Variants in ESRRB observed in about 807,000 individuals in gnomAD.
ESRRB encodes the protein steroid hormone receptor ERR2.
ESRRB carries 16 observed loss-of-function variants against 46.0 expected under a neutral mutation model. The observed-to-expected ratio is 0.35, with a 90% CI of 0.24 to 0.53. The LOEUF is 0.53. Among genes scored for constraint, ESRRB ranks in the 20% least tolerant of loss-of-function variants. The probability of loss-of-function intolerance (pLI) is 0.93; values close to 1 mark genes in which losing one functional copy is unlikely to be tolerated. For missense variants in ESRRB, 488 were observed against 607.4 expected (o/e 0.80, Z 2.07); for synonymous variants, 246 against 259.6 (o/e 0.95, Z 0.50).
intron 5 of ESRRB, among the ~76,000 whole-genome samples, chr14:76,491,206 A>G (rs1808860551): frequency 1.3e-5 from 2 of 152,238 alleles, no homozygotes; most frequent in South Asian, 4.1e-4. Context: ...AACAACTGTC[A>G]ACATTGACTG....
At chr14:76,420,239 C>T (rs1228792755) in intron 1 of ESRRB, among the ~76,000 whole-genome samples, 2 of 152,134 alleles carry the variant, frequency 1.3e-5, no homozygotes. Context: ...ACTGTCTTAC[C>T]TCCTGTTTCA....
intron 1 of ESRRB, among the ~76,000 whole-genome samples, chr14:76,409,072 C>T (rs1323101686): frequency 6.6e-6 from 1 of 152,170 alleles, no homozygotes; most frequent in Non-Finnish European, 1.5e-5. Context: ...ACCTGAGCCT[C>T]CACTTCTCCA....
chr14:76,387,874 A>G (rs569284101), intron 1 of ESRRB, among the ~76,000 whole-genome samples: 1 of 152,360 alleles, frequency 6.6e-6, no homozygotes, highest in South Asian at 2.1e-4. Flanking sequence ...GGCGATTGTA[A>G]TAGTAATAGT....
chr14:76,486,892 A>C (rs571214578), intron 5 of ESRRB, among the ~76,000 whole-genome samples: 2 of 152,356 alleles, frequency 1.3e-5, no homozygotes, highest in South Asian at 4.1e-4. Context: ...GACCCAGCCC[A>C]GCTGAGAGAG....
At chr14:76,428,407 GAA>G (rs1478745296) in intron 1 of ESRRB, among the ~76,000 whole-genome samples, 1 of 152,120 alleles carries the variant, frequency 6.6e-6, no homozygotes, top group East Asian at 1.9e-4. Context: ...AATAGCTACT[GAA>G]AAGAAGGATA....
intron 1 of ESRRB, among the ~76,000 whole-genome samples, chr14:76,328,039 G>A (rs772976051): frequency 1.1e-4 from 17 of 152,086 alleles, no homozygotes; most frequent in Non-Finnish European, 2.5e-4. Flanking sequence ...ACCTTGTACT[G>A]CACTTCAGCC....
intron 1 of ESRRB, among the ~76,000 whole-genome samples, chr14:76,415,746 G>A (rs922823506): frequency 4.6e-5 from 7 of 152,152 alleles, no homozygotes; most frequent in Non-Finnish European, 1.0e-4. Context: ...GGCTCAAATG[G>A]TGCTCCTGTT....
chr14:76,406,806 C>T (rs1218798088), intron 1 of ESRRB, among the ~76,000 whole-genome samples: 1 of 152,182 alleles, frequency 6.6e-6, no homozygotes, highest in Non-Finnish European at 1.5e-5. Flanking sequence ...TTGTCTAACA[C>T]AAGATGTAGT....
intron 1 of ESRRB, among the ~76,000 whole-genome samples, chr14:76,312,546 A>AG: frequency 6.6e-6 from 1 of 151,548 alleles, no homozygotes; most frequent in Admixed American, 6.6e-5. Flanking sequence ...ATGGCGTACA[A>AG]GGGGGTAAAT....
At chr14:76,419,633 T>C (rs1886855485) in intron 1 of ESRRB, among the ~76,000 whole-genome samples, 1 of 151,812 alleles carries the variant, frequency 6.6e-6, no homozygotes, top group Non-Finnish European at 1.5e-5. Flanking sequence ...AATGCCAGAG[T>C]GAGGATGGCG....
chr14:76,484,472 C>A lies in ESRRB; in HGVS notation c.850+1713C>A, dbSNP rs577171635. 5.3e-5 allele frequency among the ~76,000 whole-genome samples: 8 copies of A among 152,338 alleles called. No individual in the cohort carries two copies. The South Asian group carries it at 1.7e-3, about 32-fold the overall frequency. ...ACTTCAGCCTGGATTGCTCCACTAA[C>A]CCAGGGCCAAATTGGGTACAGGTAC... On this transcript the variant is annotated intron_variant, in intron 5 of 6. Transcript: ENST00000644823.
chr14:76,397,877 A>G (rs1233322429), intron 1 of ESRRB, among the ~76,000 whole-genome samples: 3 of 152,390 alleles, frequency 2.0e-5, no homozygotes, highest in Non-Finnish European at 4.4e-5. Context: ...AGGTATGTGC[A>G]TGCAAAGTTG....
intron 2 of ESRRB, among the ~76,000 whole-genome samples, chr14:76,445,478 AAAAAAAAG>A (rs1275068374): frequency 8.1e-6 from 1 of 124,136 alleles, no homozygotes; most frequent in Non-Finnish European, 1.6e-5. Flanking sequence ...AAAAAAAAAA[AAAAAAAAG>A]AAAGAAAGAA....
At chr14:76,336,534 C>A (rs1336224631) in intron 1 of ESRRB, among the ~76,000 whole-genome samples, 1 of 152,220 alleles carries the variant, frequency 6.6e-6, no homozygotes, top group Non-Finnish European at 1.5e-5. Context: ...GCTTTCAGAC[C>A]CCCTGGTCCC....
At chr14:76,369,614 G>GT (rs963763489), upstream of ESRRB, among the ~76,000 whole-genome samples, 5 of 151,684 alleles carry the variant, frequency 3.3e-5, no homozygotes, top group African/African-American at 9.7e-5. Flanking sequence ...GCATTTGCTG[G>GT]TTTTTTTTCT....
intron 1 of ESRRB, among the ~76,000 whole-genome samples, chr14:76,358,399 GAAAGAAAGAAAGAAAAGAAA>G (rs1566859720): frequency 9.8e-6 from 1 of 102,480 alleles, no homozygotes; most frequent in African/African-American, 3.9e-5. Context: ...AAGAAAGAAA[GAAAGAAAGAAAGAAAAGAAA>G]AGAAAAAGAA....
chr14:76,419,238 C>A (rs1886838867), intron 1 of ESRRB, among the ~76,000 whole-genome samples: 1 of 152,136 alleles, frequency 6.6e-6, no homozygotes, highest in Non-Finnish European at 1.5e-5. Context: ...TGATCTCGAA[C>A]TCCTGACCTC....
chr14:76,469,163 T>C (rs1176867678), intron 3 of ESRRB, among the ~76,000 whole-genome samples: 2 of 152,124 alleles, frequency 1.3e-5, no homozygotes, highest in African/African-American at 4.8e-5. Context: ...GTGCCATCTC[T>C]GTTCACTGCA....
In ESRRB at chr14:76,498,345, C is replaced by T; in HGVS notation, c.1252C>T (p.Pro418Ser). The change falls in exon 7 of 7, where the codon CCG (proline) becomes TCG (serine). Residue 418 changes from proline (P) to serine (S), a missense_variant. Transcript: ENST00000644823. Reference sequence around the variant, plus strand: ...GACGGGCAAGCTGCTGCTGACACTGCCGCTGCTGCGGCAGACGGCCGCCAA... The same window carrying T: ...GACGGGCAAGCTGCTGCTGACACTGTCGCTGCTGCGGCAGACGGCCGCCAA... ...WRTGKLLLTL[P>S]LLRQTAAKAV... The T allele has an allele frequency of 6.2e-7, 1 of 1,612,382 alleles. No individual in the cohort carries two copies. Among genetic ancestry groups the T allele is most frequent in the Non-Finnish European group, 8.5e-7 (1 of 1,179,616 alleles).
Sources: gnomAD v4.1 joint callset for allele counts (sites outside exome capture counted in the v4.1 genomes callset) on GRCh38, gnomAD v4.1.1 for gene constraint, MANE v1.5 for transcripts, NCBI Gene and HGNC (gene_info 2026-07-23, HGNC 2026-07-21) for gene names.